The following SELENOI variants were observed in gnomAD, a reference collection of about 807,000 sequenced individuals.
SELENOI encodes the protein ethanolaminephosphotransferase 1.
SELENOI carries 24 observed loss-of-function variants against 50.7 expected under a neutral mutation model. That is an observed-to-expected ratio of 0.47 (90% CI 0.34 to 0.67). The LOEUF is 0.67. SELENOI is among the 30% of genes least tolerant of loss of function. SELENOI has a pLI of 0.01. For synonymous variants in SELENOI, 155 were observed against 170.2 expected (o/e 0.91, Z 0.70); for missense variants, 352 against 461.4 (o/e 0.76, Z 2.17).
chr2:26,394,615 A>G lies in SELENOI; in HGVS notation c.*5512A>G, dbSNP rs1242032338. On this transcript the variant is annotated 3_prime_UTR_variant, in exon 10 of 10. Coordinates refer to ENST00000260585, the MANE Select transcript of SELENOI (RefSeq NM_033505.4). This position sits in a 1 kb window ranked among gnomAD's most constrained non-coding sequence, Gnocchi z 4.1. The stretch of plus-strand genomic sequence containing the variant: ...ATTTCAAAAATGTGCCAAGAAAGCA[A>G]AATTCATTATTGAACTCTAAATTTC... 1.3e-5 allele frequency: 2 copies of G among 152,068 alleles called. No homozygotes were observed. Among genetic ancestry groups the G allele is most frequent in the African/African-American group, 4.8e-5 (2 of 41,438 alleles). 9.4% of individuals were successfully genotyped at this position (152,068 alleles called of 1,614,324 possible). A position where few individuals can be genotyped will look rare whatever the true frequency, so the allele number is the denominator to read the frequency against.
rs1677909872 is a variant in SELENOI at position 26,389,160 on chromosome 2, C to T, written c.*57C>T. 3 of 1,314,890 alleles carry T rather than the reference C, an allele frequency of 2.3e-6. No homozygotes were observed. Among genetic ancestry groups the T allele is most frequent in the Admixed American group, 4.0e-5 (2 of 50,590 alleles). The allele number at this position is 1,314,890 out of a possible 1,614,324, so 81.5% of individuals were successfully genotyped here. A position where few individuals can be genotyped will look rare whatever the true frequency, so the allele number is the denominator to read the frequency against. On this transcript the variant is annotated 3_prime_UTR_variant, in exon 10 of 10. Coordinates refer to ENST00000260585, the MANE Select transcript of SELENOI (RefSeq NM_033505.4). The stretch of plus-strand genomic sequence containing the variant: ...AAATAAATGCTTGTAAATATTTCCT[C>T]CATCACCATTGAACTAGACTGATCT...
At chr2:26,349,670 G>GTTTTTTTT (rs372398913) in intron 1 of SELENOI, among the ~76,000 whole-genome samples, 9 of 115,162 alleles carry the variant, frequency 7.8e-5, no homozygotes, top group Non-Finnish European at 1.2e-4. Context: ...CTGCAAGTTG[G>GTTTTTTTT]TTTTTTTTTT....
At chr2:26,365,384 T>C (rs1023694325) in intron 3 of SELENOI, among the ~76,000 whole-genome samples, 23 of 151,998 alleles carry the variant, frequency 1.5e-4, no homozygotes, top group Admixed American at 1.4e-3. Flanking sequence ...TGGACCCTTA[T>C]TGAGGAAGAG....
At chr2:26,351,314 T>C (rs1353056425) in intron 1 of SELENOI, among the ~76,000 whole-genome samples, 1 of 152,208 alleles carries the variant, frequency 6.6e-6, no homozygotes, top group Non-Finnish European at 1.5e-5. Context: ...TGCCTTGGCC[T>C]CCCAAAGTGC....
At position 26,373,234 on chromosome 2, in the gene SELENOI, A is replaced by G. The variant is rs1677496623; in HGVS notation, c.311-133A>G. The G allele has an allele frequency of 4.7e-6, 5 of 1,073,570 alleles. No homozygotes were observed. In the South Asian group the frequency reaches 6.8e-5, roughly 15 times the overall value. 66.5% of individuals were successfully genotyped at this position (1,073,570 alleles called of 1,614,324 possible). On this transcript the variant is annotated intron_variant, in intron 4 of 9. Coordinates refer to ENST00000260585, the MANE Select transcript of SELENOI (RefSeq NM_033505.4). ...AATTAAATAATTAGATTTTTATAGT[A>G]CCAGCTGATAGCTATACTTAACATT...
At chr2:26,377,087 T>C (rs1677583307) in intron 6 of SELENOI, among the ~76,000 whole-genome samples, 1 of 152,230 alleles carries the variant, frequency 6.6e-6, no homozygotes, top group Non-Finnish European at 1.5e-5. Flanking sequence ...CAGTCACAGT[T>C]TCACTTCTTG....
At chr2:26,371,958 A>G (rs916542233) in intron 4 of SELENOI, among the ~76,000 whole-genome samples, 1 of 152,282 alleles carries the variant, frequency 6.6e-6, no homozygotes, top group South Asian at 2.1e-4. Context: ...ATCTCTTATC[A>G]GCTGAAATCC....
At chr2:26,363,876 G>T (rs1287331703) in intron 1 of SELENOI, among the ~76,000 whole-genome samples, 1 of 152,054 alleles carries the variant, frequency 6.6e-6, no homozygotes, top group Non-Finnish European at 1.5e-5. Context: ...AAGTAGCTGG[G>T]ATTACAGGCG....
intron 6 of SELENOI, among the ~76,000 whole-genome samples, chr2:26,379,822 T>G (rs1677646985): frequency 6.6e-6 from 1 of 152,222 alleles, no homozygotes; most frequent in African/African-American, 2.4e-5. Context: ...TCATTGATCT[T>G]ATATTTTTAT....
At position 26,346,149 on chromosome 2, in the gene SELENOI, C is replaced by G. The variant is rs769874444; in HGVS notation, c.-84C>G. Reference sequence around the variant, plus strand: ...CTCGGGCAGCCCAGTCTTTGCCATCCTTGCCCAGCCGGTGTGGTGCTTGTG... The same window carrying G: ...CTCGGGCAGCCCAGTCTTTGCCATCGTTGCCCAGCCGGTGTGGTGCTTGTG... On this transcript the variant is annotated 5_prime_UTR_variant, in exon 1 of 10. Transcript: ENST00000260585. The G allele has an allele frequency of 1.6e-5, 25 of 1,605,734 alleles. No individual in the cohort carries two copies. The highest frequency in any genetic ancestry group is 2.1e-5 in the Non-Finnish European group (25 of 1,176,570).
Position 26,346,182 on chromosome 2 carries a change from G to C in SELENOI, c.-51G>C, listed in dbSNP as rs756834378. 7 of 1,612,764 alleles carry C rather than the reference G, an allele frequency of 4.3e-6. No homozygotes were observed. Among genetic ancestry groups the C allele is most frequent in the Non-Finnish European group, 5.9e-6 (7 of 1,179,362 alleles). ...GCCGGTGTGGTGCTTGTGTGTCACAGCCTTGTAGCCGGGAGTCGCTGCCGA... is the reference window on the plus strand; with the variant it reads ...GCCGGTGTGGTGCTTGTGTGTCACACCCTTGTAGCCGGGAGTCGCTGCCGA... On this transcript the variant is annotated 5_prime_UTR_variant, in exon 1 of 10. Transcript: ENST00000260585.
At chr2:26,370,733 G>T (rs1278943153) in intron 4 of SELENOI, among the ~76,000 whole-genome samples, 1 of 146,444 alleles carries the variant, frequency 6.8e-6, no homozygotes, top group Non-Finnish European at 1.5e-5. Flanking sequence ...GGCTGGCCGG[G>T]CGGGGGGCTG....
Position 26,386,386 on chromosome 2 carries a change from C to A in SELENOI, c.945C>A (p.Thr315=), listed in dbSNP as rs1479353908. Residue 315 remains threonine (T), a synonymous_variant, in exon 9 of 10, where the codon ACC becomes ACA. Coordinates refer to ENST00000260585, the MANE Select transcript of SELENOI (RefSeq NM_033505.4). ...CQLIVCQMSS[T]RCPTLNWLLV... The stretch of plus-strand genomic sequence containing the variant: ...TGATTGTTTGCCAAATGAGTAGTAC[C>A]CGGTGTCCAACTTTGAATTGGTTGC... The A allele has an allele frequency of 6.2e-7, 1 of 1,613,492 alleles. No individual in the cohort carries two copies. The highest frequency in any genetic ancestry group is 1.3e-5 in the African/African-American group (1 of 74,836).
In SELENOI at chr2:26,375,101, T is replaced by C; in HGVS notation, c.635T>C (p.Phe212Ser). The change falls in exon 6 of 10, where the codon TTC becomes TCC. Residue 212 changes from phenylalanine (F) to serine (S), a missense_variant. Coordinates refer to ENST00000260585, the MANE Select transcript of SELENOI (RefSeq NM_033505.4). ...VVGVEAWYEP[F>S]LFNFLYRDLF... ...GGAGTTGAGGCCTGGTATGAACCTT[T>C]CCTGTTTAATTTCTTATATAGAGAC... 4 of 1,613,396 alleles carry C rather than the reference T, an allele frequency of 2.5e-6. No individual in the cohort carries two copies. The highest frequency in any genetic ancestry group is 3.4e-6 in the Non-Finnish European group (4 of 1,179,446).
At position 26,386,391 on chromosome 2, in the gene SELENOI, G is replaced by A. The variant is rs1419852384; in HGVS notation, c.950G>A (p.Cys317Tyr). ...LIVCQMSSTR[C>Y]PTLNWLLVPL... ...GTTTGCCAAATGAGTAGTACCCGGT[G>A]TCCAACTTTGAATTGGTTGCTGGTT... is the stretch of plus-strand genomic sequence containing the variant. The change falls in exon 9 of 10, where the codon TGT becomes TAT. Residue 317 changes from cysteine to tyrosine, a missense_variant. Physicochemically the swap from Cys to Tyr is radical, Grantham distance 194. Transcript: ENST00000260585. 5 of 1,613,724 alleles carry A rather than the reference G, an allele frequency of 3.1e-6. No homozygotes were observed. The Admixed American group carries it at 8.3e-5, about 27-fold the overall frequency.
At position 26,364,718 on chromosome 2, in the gene SELENOI, CAT is replaced by C. The variant is rs1166703033; in HGVS notation, c.127-111_127-110del. 14 of 695,420 alleles carry C rather than the reference CAT, an allele frequency of 2.0e-5. No individual in the cohort carries two copies. The African/African-American group carries it at 2.2e-4, about 11-fold the overall frequency. The allele number at this position is 695,420 out of a possible 1,614,324, so 43.1% of individuals were successfully genotyped here. ...TACGTGTTAATGTCTATAACTTCTC[CAT>C]ATGATCTTTCAAATGTATAGCTTTT... On this transcript the variant is annotated intron_variant, in intron 2 of 9. Transcript: ENST00000260585.
At chr2:26,380,800 C>T (rs558299305) in intron 6 of SELENOI, among the ~76,000 whole-genome samples, 4 of 152,248 alleles carry the variant, frequency 2.6e-5, no homozygotes, top group East Asian at 3.9e-4. Context: ...TATTGTCAAA[C>T]GTTTGACTTT....
At chr2:26,346,465 T>C in intron 1 of SELENOI, 176 bp downstream of exon 1, 1 of 714,816 alleles carries the variant, frequency 1.4e-6, no homozygotes, top group Non-Finnish European at 2.1e-6. Flanking sequence ...CGTGGGAGCA[T>C]CCTAAGCCCG....
chr2:26,377,980 T>C (rs1677603403), intron 6 of SELENOI, among the ~76,000 whole-genome samples: 2 of 152,238 alleles, frequency 1.3e-5, no homozygotes, highest in Admixed American at 1.3e-4. Flanking sequence ...TTTAACTTGT[T>C]TGGACACAGA....
Sources: gnomAD v4.1 joint callset for allele counts (sites outside exome capture counted in the v4.1 genomes callset) on GRCh38, gnomAD v4.1.1 for gene constraint, Gnocchi (gnomAD v3.1) non-coding constraint, MANE v1.5 for transcripts, NCBI Gene and HGNC (gene_info 2026-07-23, HGNC 2026-07-21) for gene names.